PTPRS: variants seen among roughly 807,000 people sequenced by gnomAD.
PTPRS encodes the protein protein tyrosine phosphatase receptor type S.
In PTPRS, 63 loss-of-function variants were observed where a neutral mutation model predicts 215.3. The observed-to-expected ratio is 0.29, with a 90% CI of 0.24 to 0.36. PTPRS has a LOEUF of 0.36. Among genes scored for constraint, PTPRS ranks in the 10% least tolerant of loss-of-function variants. PTPRS has a pLI of 1.00. For synonymous variants in PTPRS, 1,404 were observed against 1,191.4 expected (o/e 1.18, Z -3.68); for missense variants, 2,258 against 2,825.8 (o/e 0.80, Z 4.56).
rs565091666 is a variant in PTPRS, at chr19:5,206,558, G to A, written c.*216C>T. 11 of 497,070 alleles carry A rather than the reference G, an allele frequency of 2.2e-5. No homozygotes were observed. The highest frequency in any genetic ancestry group is 2.2e-4 in the African/African-American group (11 of 50,580). The allele number at this position is 497,070 out of a possible 1,614,324, so 30.8% of individuals were successfully genotyped here. Reference sequence around the variant, plus strand: ...GAAAGGAGGAATGTGCCAAGTATTTGAAGGCGGCGGCCGGTGCCAGGGAGG... The same window carrying A: ...GAAAGGAGGAATGTGCCAAGTATTTAAAGGCGGCGGCCGGTGCCAGGGAGG... On this transcript the variant is annotated 3_prime_UTR_variant, in exon 38 of 38. Transcript: ENST00000262963.
intron 5 of PTPRS, among the ~76,000 whole-genome samples, chr19:5,263,933 C>T (rs1030574161): frequency 1.3e-5 from 2 of 152,216 alleles, no homozygotes; most frequent in African/African-American, 4.8e-5. Context: ...ACAGGGAGCC[C>T]AGACATGCAC....
chr19:5,315,184 C>G (rs1018943088), intron 1 of PTPRS, among the ~76,000 whole-genome samples: 2 of 151,954 alleles, frequency 1.3e-5, no homozygotes, highest in African/African-American at 4.8e-5. Context: ...GGAAGCCTTC[C>G]CTGACTTTTC....
chr19:5,207,319 G>T (rs1002148031), intron 37 of PTPRS, among the ~76,000 whole-genome samples: 5 of 152,106 alleles, frequency 3.3e-5, no homozygotes, highest in Non-Finnish European at 5.9e-5. Context: ...TCCTGACCTC[G>T]GGTGATCTGC....
intron 9 of PTPRS, 134 bp downstream of exon 9, chr19:5,255,974 T>C (rs935553877): frequency 6.3e-6 from 4 of 630,482 alleles, no homozygotes; most frequent in Non-Finnish European, 9.9e-6. Flanking sequence ...TTGTTGTTCA[T>C]TTTTCTATTT....
chr19:5,303,852 G>C (rs922646112), intron 1 of PTPRS, among the ~76,000 whole-genome samples: 7 of 151,566 alleles, frequency 4.6e-5, no homozygotes, highest in African/African-American at 1.5e-4. Flanking sequence ...TCAGGAGGCT[G>C]AGACAGGAGA....
rs936571902 is a variant in PTPRS, at chr19:5,244,083, T to C, written c.1388A>G (p.Tyr463Cys). 5 of 1,610,444 alleles carry C rather than the reference T, an allele frequency of 3.1e-6. No homozygotes were observed. The highest frequency in any genetic ancestry group is 1.1e-5 in the South Asian group (1 of 91,022). ...GGGGTGCTCCGGTTCCATGGTGTAG[T>C]AGACGCGGTAGCCGCGGATCAGGCC... ...PNGLIRGYRVYYTMEPEHPVG... is the reference protein window; with the variant it reads ...PNGLIRGYRVCYTMEPEHPVG... The change falls in exon 11 of 38, where the codon TAC becomes TGC. Residue 463 changes from tyrosine (Y) to cysteine (C), a missense_variant. Physicochemically the swap from Tyr to Cys is radical, Grantham distance 194. Transcript: ENST00000262963. The surrounding 1 kb of genome is among the most constrained non-coding windows in gnomAD (Gnocchi z 7.2).
intron 3 of PTPRS, 99 bp from the exon 4 acceptor site, chr19:5,273,682 A>G: frequency 7.0e-7 from 1 of 1,426,048 alleles, no homozygotes; most frequent in Non-Finnish European, 9.6e-7. Flanking sequence ...AATGGCAGTC[A>G]GCCCCATGAT....
chr19:5,244,495 G>A lies in PTPRS; in HGVS notation c.989-13C>T, dbSNP rs772742267. The A allele has an allele frequency of 3.1e-6, 5 of 1,608,272 alleles. No homozygotes were observed. The Admixed American group carries it at 5.0e-5, about 16-fold the overall frequency. ...GCTTTGGGGAGAGCTGTGGGCAGGA[G>A]GCAGCTGTGTCACGCATTGGGCACA... On this transcript the variant is annotated splice_polypyrimidine_tract_variant and intron_variant, in intron 10 of 37. Coordinates refer to ENST00000262963, the MANE Select transcript of PTPRS (RefSeq NM_002850.4). This position sits in a 1 kb window ranked among gnomAD's most constrained non-coding sequence, Gnocchi z 7.2.
intron 1 of PTPRS, chr19:5,292,924 A>T (rs2048951986): frequency 6.6e-6 from 1 of 151,838 alleles, no homozygotes; most frequent in Admixed American, 6.5e-5. Context: ...AACGGTCTGG[A>T]GTTTTCCAAA....
At position 5,238,984 on chromosome 19, in the gene PTPRS, G is replaced by C; in HGVS notation, c.1784C>G (p.Ala595Gly). Residue 595 changes from alanine to glycine, a missense_variant, in exon 13 of 38, where the codon GCG becomes GGG. Coordinates refer to ENST00000262963, the MANE Select transcript of PTPRS (RefSeq NM_002850.4). The stretch of plus-strand genomic sequence containing the variant: ...GCCCAGGCCCTGCGGCGAGCGGGCC[G>C]CCAGGCGGAAGGCGTACTCCGTGTT... ...KPNTEYAFRL[A>G]ARSPQGLGAF... 1.2e-6 allele frequency: 2 copies of C among 1,613,092 alleles called. No homozygotes were observed. The highest frequency in any genetic ancestry group is 1.7e-6 in the Non-Finnish European group (2 of 1,179,722).
At chr19:5,322,153 C>T (rs1217211778) in intron 1 of PTPRS, among the ~76,000 whole-genome samples, 4 of 152,320 alleles carry the variant, frequency 2.6e-5, no homozygotes, top group South Asian at 4.1e-4. Flanking sequence ...CCACGGTCCC[C>T]GCCTGAGCTG....
intron 9 of PTPRS, among the ~76,000 whole-genome samples, chr19:5,248,039 G>A (rs1599679478): frequency 6.7e-6 from 1 of 149,454 alleles, no homozygotes; most frequent in East Asian, 2.0e-4. Flanking sequence ...GTGAGATGGG[G>A]GGGGCGGGTG....
chr19:5,316,117 C>G (rs1389208421), intron 1 of PTPRS, among the ~76,000 whole-genome samples: 2 of 152,026 alleles, frequency 1.3e-5, no homozygotes, highest in Non-Finnish European at 2.9e-5. Context: ...CAGGGTCTTG[C>G]TATACTACCC....
Position 5,206,586 on chromosome 19 carries a change from G to A in PTPRS, c.*188C>T, listed in dbSNP as rs768076633. ...GGCGGCGGCCGGTGCCAGGGAGGTC[G>A]CTGGGGCGGCCGGGGCCGGTGGGGG... On this transcript the variant is annotated 3_prime_UTR_variant, in exon 38 of 38. Coordinates refer to ENST00000262963, the MANE Select transcript of PTPRS (RefSeq NM_002850.4). 1.6e-4 allele frequency: 84 copies of A among 540,810 alleles called. No homozygotes were observed. The highest frequency in any genetic ancestry group is 4.9e-4 in the Middle Eastern group (1 of 2,054). The allele number at this position is 540,810 out of a possible 1,614,324, so 33.5% of individuals were successfully genotyped here.
In PTPRS at chr19:5,312,041, C is replaced by CA. The variant is rs577071088; in HGVS notation, c.-94-25808dup. On this transcript the variant is annotated intron_variant, in intron 1 of 37. Coordinates refer to ENST00000262963, the MANE Select transcript of PTPRS (RefSeq NM_002850.4). ...TGGGAGACACAGCGAGACTCCGTCT[C>CA]AAAAAAAAAAAAAAGAAAGAAATAC... Among the ~76,000 whole-genome samples the CA allele has an allele frequency of 8.5e-3, 981 of 115,920 alleles. 8 individuals carry two copies. The highest frequency in any genetic ancestry group is 0.026 in the African/African-American group (797 of 31,166). The allele number at this position is 115,920 out of a possible 152,430, so 76.0% of individuals were successfully genotyped here.
intron 28 of PTPRS, among the ~76,000 whole-genome samples, chr19:5,215,011 T>C (rs1270934556): frequency 6.6e-6 from 1 of 152,260 alleles, no homozygotes; most frequent in Non-Finnish European, 1.5e-5. Context: ...TCCCTTCAAG[T>C]TGTGACAACC....
intron 1 of PTPRS, among the ~76,000 whole-genome samples, chr19:5,304,867 G>A (rs1353624375): frequency 6.7e-6 from 1 of 149,364 alleles, no homozygotes; most frequent in African/African-American, 2.5e-5. Flanking sequence ...AACTAGCCCT[G>A]AACAAAACAG....
rs1217868419 is a variant in PTPRS at position 5,257,281 on chromosome 19, C to T, written c.706+736G>A. 7 of 378,676 alleles carry T rather than the reference C, an allele frequency of 1.8e-5. No individual in the cohort carries two copies. The highest frequency in any genetic ancestry group is 1.3e-4 in the South Asian group (7 of 52,116). The allele number at this position is 378,676 out of a possible 1,614,324, so 23.5% of individuals were successfully genotyped here. ...GAGGTGCTGGGGCGAGGCCCCCACG[C>T]TGCTGGGCATGACTGAGTGGGAATT... is the stretch of plus-strand genomic sequence containing the variant. On this transcript the variant is annotated intron_variant, in intron 8 of 37. Coordinates refer to ENST00000262963, the MANE Select transcript of PTPRS (RefSeq NM_002850.4). This position sits in a 1 kb window ranked among gnomAD's most constrained non-coding sequence, Gnocchi z 4.4.
At position 5,339,630 on chromosome 19, in the gene PTPRS, C is replaced by T. The variant is rs2050620450; in HGVS notation, c.-95+1034G>A. Among the ~76,000 whole-genome samples, 1 of 151,966 alleles carries T rather than the reference C, an allele frequency of 6.6e-6. No individual in the cohort carries two copies. The highest frequency in any genetic ancestry group is 2.4e-5 in the African/African-American group (1 of 41,388). ...TCCCATAAAGAGAGGTGAACTTGGC[C>T]GCAACCTGGCCGAACCCTCGCACCC... On this transcript the variant is annotated intron_variant, in intron 1 of 37. Transcript: ENST00000262963. The surrounding 1 kb of genome is among the most constrained non-coding windows in gnomAD (Gnocchi z 4.2).
Sources: gnomAD v4.1 joint callset for allele counts (sites outside exome capture counted in the v4.1 genomes callset) on GRCh38, gnomAD v4.1.1 for gene constraint, Gnocchi (gnomAD v3.1) non-coding constraint, MANE v1.5 for transcripts, NCBI Gene and HGNC (gene_info 2026-07-23, HGNC 2026-07-21) for gene names.